Variants in TMEM132B observed in about 807,000 individuals in gnomAD.
The protein encoded by TMEM132B is transmembrane protein 132B.
A neutral mutation model predicts 90.8 loss-of-function variants in TMEM132B; 18 were observed. The ratio of observed to expected loss-of-function variants is 0.20; its 90% CI spans 0.14 to 0.29. The LOEUF (loss-of-function observed/expected upper bound fraction) is 0.29, where lower values mean the gene tolerates loss of function less well. Among genes scored for constraint, TMEM132B ranks in the 10% least tolerant of loss-of-function variants. The pLI, the probability that TMEM132B is intolerant of heterozygous loss-of-function variation, is 1.00. For synonymous variants in TMEM132B, 504 were observed against 523.3 expected (o/e 0.96, Z 0.50); for missense variants, 1,096 against 1,326.8 (o/e 0.83, Z 2.70).
chr12:125,423,347 GT>G (rs1377525336), intron 3 of TMEM132B, among the ~76,000 whole-genome samples: 1 of 152,208 alleles, frequency 6.6e-6, no homozygotes, highest in Non-Finnish European at 1.5e-5. Context: ...AGGATCCCAT[GT>G]AGGGAAATGC....
intron 5 of TMEM132B, among the ~76,000 whole-genome samples, chr12:125,603,999 G>A (rs1010306527): frequency 6.6e-6 from 1 of 152,188 alleles, no homozygotes; most frequent in African/African-American, 2.4e-5. Flanking sequence ...CTGTTGGTGG[G>A]AATGTAAATT....
intron 5 of TMEM132B, among the ~76,000 whole-genome samples, chr12:125,590,158 A>C (rs1295406196): frequency 2.0e-5 from 3 of 152,166 alleles, no homozygotes; most frequent in African/African-American, 7.2e-5. Flanking sequence ...TGCCAGAAGC[A>C]GATGAGGGTA....
At chr12:125,631,247 A>G (rs373281416) in intron 5 of TMEM132B, among the ~76,000 whole-genome samples, 21 of 152,036 alleles carry the variant, frequency 1.4e-4, no homozygotes, top group South Asian at 6.2e-4. Context: ...CATTAATCCA[A>G]TGGTCATTCA....
At chr12:125,304,420 A>G (rs765229796) in intron 1 of TMEM132B, among the ~76,000 whole-genome samples, 19 of 152,210 alleles carry the variant, frequency 1.2e-4, no homozygotes, top group African/African-American at 2.6e-4. Context: ...TATTTATGAA[A>G]TGATTGCAAA....
Position 125,415,741 on chromosome 12 carries a change from A to T in TMEM132B, c.1106+64A>T. The T allele has an allele frequency of 6.3e-7, 1 of 1,578,410 alleles. No homozygotes were observed. The highest frequency in any genetic ancestry group is 1.2e-5 in the South Asian group (1 of 85,170). The stretch of plus-strand genomic sequence containing the variant: ...AGGAGGGGAGTGGCTGCCAGAGCTG[A>T]TAGCAAAATAATGTGCGTGTGGATA... On this transcript the variant is annotated intron_variant, in intron 3 of 8. Coordinates refer to ENST00000682704, the MANE Select transcript of TMEM132B (RefSeq NM_001366854.1). The surrounding 1 kb of genome is among the most constrained non-coding windows in gnomAD (Gnocchi z 5.3).
chr12:125,332,500 AC>A (rs1876808654), intron 1 of TMEM132B, among the ~76,000 whole-genome samples: 1 of 136,936 alleles, frequency 7.3e-6, no homozygotes, highest in East Asian at 2.2e-4. Context: ...TGTGCCCTCC[AC>A]CCACTGCATT....
chr12:125,198,736 A>T (rs560573642), intron 1 of TMEM132B, among the ~76,000 whole-genome samples: 1 of 152,338 alleles, frequency 6.6e-6, no homozygotes, highest in East Asian at 1.9e-4. Flanking sequence ...CTACTACTGC[A>T]GACCACCAAG....
intron 4 of TMEM132B, among the ~76,000 whole-genome samples, chr12:125,544,474 G>A (rs986179109): frequency 2.6e-5 from 4 of 152,170 alleles, no homozygotes; most frequent in African/African-American, 9.7e-5. Context: ...TGTGGGATGG[G>A]TTCAGCTCCC....
Position 125,336,894 on chromosome 12 carries a change from T to C in TMEM132B, c.68-12558T>C, listed in dbSNP as rs75046440. ...AGCTGTCAAGATTACTCAGTGAATT[T>C]TCCTCTCTTATTTAAACAGTCTCCA... On this transcript the variant is annotated intron_variant, in intron 1 of 8. Coordinates refer to ENST00000682704, the MANE Select transcript of TMEM132B (RefSeq NM_001366854.1). Among the ~76,000 whole-genome samples the C allele has an allele frequency of 1.4e-3, 207 of 152,352 alleles. 2 individuals are homozygous for C. The East Asian group carries it at 0.036, about 27-fold the overall frequency.
At chr12:125,244,250 C>T (rs1253748992) in intron 1 of TMEM132B, among the ~76,000 whole-genome samples, 1 of 152,190 alleles carries the variant, frequency 6.6e-6, no homozygotes, top group African/African-American at 2.4e-5. Context: ...CACCCATTTT[C>T]AGTTCCCTTG....
At chr12:125,643,017 G>A (rs977887407) in intron 5 of TMEM132B, among the ~76,000 whole-genome samples, 2 of 152,166 alleles carry the variant, frequency 1.3e-5, no homozygotes, top group African/African-American at 4.8e-5. Flanking sequence ...TTGGAAGTGG[G>A]CACTTCTGAC....
chr12:125,261,058 T>C (rs1033532773), intron 1 of TMEM132B, among the ~76,000 whole-genome samples: 1 of 152,190 alleles, frequency 6.6e-6, no homozygotes, highest in African/African-American at 2.4e-5. Context: ...TGCACACTGG[T>C]TGTGTTTACA....
At chr12:125,501,354 C>T (rs1882691162) in intron 3 of TMEM132B, among the ~76,000 whole-genome samples, 1 of 152,250 alleles carries the variant, frequency 6.6e-6, no homozygotes, top group South Asian at 2.1e-4. Flanking sequence ...TCAAAATTAA[C>T]TGGGTATCCC....
chr12:125,368,655 T>C (rs1485301328), intron 2 of TMEM132B, among the ~76,000 whole-genome samples: 2 of 152,224 alleles, frequency 1.3e-5, no homozygotes, highest in Non-Finnish European at 2.9e-5. Flanking sequence ...GATATGTCTC[T>C]GTCAGAGGCT....
chr12:125,401,519 G>C (rs568947088), intron 2 of TMEM132B, among the ~76,000 whole-genome samples: 1 of 152,282 alleles, frequency 6.6e-6, no homozygotes, highest in African/African-American at 2.4e-5. Flanking sequence ...AAGGAGATTA[G>C]GGAATGAGTC....
intron 1 of TMEM132B, among the ~76,000 whole-genome samples, chr12:125,219,508 A>T (rs2136072496): frequency 6.6e-6 from 1 of 152,248 alleles, no homozygotes; most frequent in South Asian, 2.1e-4. Context: ...AGGTGTGATG[A>T]GGCTGCCTGG....
rs548861792 is a variant in TMEM132B, at chr12:125,542,255, C to G, written c.1293+22630C>G. On this transcript the variant is annotated intron_variant, in intron 4 of 8. Transcript: ENST00000682704. ...CTCAACAATGTCTTTCTTCAAGAGT[C>G]TGCTAGGGTAGAGGTCAGGATTGTT... Among the ~76,000 whole-genome samples the G allele has an allele frequency of 2.0e-5, 3 of 152,230 alleles. No individual in the cohort carries two copies. The East Asian group carries it at 5.8e-4, about 29-fold the overall frequency.
At chr12:125,206,235 TG>T (rs1192536407) in intron 1 of TMEM132B, among the ~76,000 whole-genome samples, 3 of 152,024 alleles carry the variant, frequency 2.0e-5, no homozygotes, top group Non-Finnish European at 2.9e-5. Context: ...TATGATTTTT[TG>T]TTTGTTTGTT....
intron 6 of TMEM132B, among the ~76,000 whole-genome samples, chr12:125,645,239 A>T (rs919001061): frequency 6.6e-6 from 1 of 151,328 alleles, no homozygotes; most frequent in Non-Finnish European, 1.5e-5. Flanking sequence ...AAAAAAAAAA[A>T]AAGTCTCCCT....
Sources: allele counts gnomAD v4.1 joint callset (sites outside exome capture counted in the v4.1 genomes callset), GRCh38; gene constraint gnomAD v4.1.1; non-coding constraint Gnocchi (gnomAD v3.1); transcripts MANE v1.5; gene names NCBI Gene and HGNC (gene_info 2026-07-23, HGNC 2026-07-21).